The following HS6ST3 variants were observed in gnomAD, a reference collection of about 807,000 sequenced individuals.
HS6ST3 encodes the protein heparan sulfate 6-O-sulfotransferase 3.
A neutral mutation model predicts 36.7 loss-of-function variants in HS6ST3; 12 were observed. The ratio of observed to expected loss-of-function variants is 0.33; its 90% CI spans 0.21 to 0.53. The LOEUF is 0.53. Among genes scored for constraint, HS6ST3 ranks in the 20% least tolerant of loss-of-function variants. The probability of loss-of-function intolerance (pLI) is 0.95; values close to 1 mark genes in which losing one functional copy is unlikely to be tolerated. For synonymous variants in HS6ST3, 240 were observed against 257.5 expected (o/e 0.93, Z 0.65); for missense variants, 584 against 640.9 (o/e 0.91, Z 0.96).
intron 1 of HS6ST3, among the ~76,000 whole-genome samples, chr13:96,567,294 T>A (rs1302207272): frequency 6.6e-6 from 1 of 152,112 alleles, no homozygotes; most frequent in Non-Finnish European, 1.5e-5. Flanking sequence ...CATAATCACA[T>A]CACTGTAACA....
chr13:96,109,467 T>G (rs745499941), intron 1 of HS6ST3, among the ~76,000 whole-genome samples: 1 of 152,194 alleles, frequency 6.6e-6, no homozygotes, highest in African/African-American at 2.4e-5. Flanking sequence ...TTATTACAGT[T>G]TCCAAAAGGT....
At chr13:96,698,023 A>C (rs987426968) in intron 1 of HS6ST3, among the ~76,000 whole-genome samples, 1 of 151,962 alleles carries the variant, frequency 6.6e-6, no homozygotes, top group Non-Finnish European at 1.5e-5. Context: ...ATATGTTTTT[A>C]TACTTTTATT....
chr13:96,297,679 T>G (rs2054861758), intron 1 of HS6ST3, among the ~76,000 whole-genome samples: 1 of 152,158 alleles, frequency 6.6e-6, no homozygotes, highest in Non-Finnish European at 1.5e-5. Flanking sequence ...CCCTCATTTG[T>G]AATCATTTTT....
chr13:96,360,104 T>C (rs966476439), intron 1 of HS6ST3, among the ~76,000 whole-genome samples: 2 of 151,998 alleles, frequency 1.3e-5, no homozygotes, highest in Admixed American at 1.3e-4. Context: ...CTTGGGGTGC[T>C]CCTAAGCTAG....
rs544230316 is a variant in HS6ST3 at position 96,714,314 on chromosome 13, A to C, written c.708-118176A>C. ...TTCTACATATTTATTACAAAAAAAA[A>C]CACAATTGAAAAATGGGCCAAGGGT... On this transcript the variant is annotated intron_variant, in intron 1 of 1. Coordinates refer to ENST00000376705, the MANE Select transcript of HS6ST3 (RefSeq NM_153456.4). 3.3e-5 allele frequency among the ~76,000 whole-genome samples: 5 copies of C among 152,310 alleles called. No individual in the cohort carries two copies. In the South Asian group the frequency reaches 8.3e-4, roughly 25 times the overall value.
At chr13:96,599,504 G>A (rs1566407842) in intron 1 of HS6ST3, among the ~76,000 whole-genome samples, 1 of 151,758 alleles carries the variant, frequency 6.6e-6, no homozygotes, top group African/African-American at 2.4e-5. Context: ...ATTTCTAATT[G>A]TGCTTTGAGT....
At chr13:96,209,730 G>A (rs1419862175) in intron 1 of HS6ST3, among the ~76,000 whole-genome samples, 1 of 152,056 alleles carries the variant, frequency 6.6e-6, no homozygotes, top group Non-Finnish European at 1.5e-5. Context: ...TAGGGGGATT[G>A]TACTTGCTAT....
intron 1 of HS6ST3, among the ~76,000 whole-genome samples, chr13:96,805,898 A>G (rs557779867): frequency 2.0e-5 from 3 of 152,114 alleles, no homozygotes; most frequent in Admixed American, 2.0e-4. Context: ...TTACCAAAAA[A>G]CCTATCAGAA....
At chr13:96,149,811 C>T (rs1054678575) in intron 1 of HS6ST3, among the ~76,000 whole-genome samples, 2 of 152,148 alleles carry the variant, frequency 1.3e-5, no homozygotes, top group African/African-American at 4.8e-5. Flanking sequence ...TCATTAGCAG[C>T]TGAATAATGC....
chr13:96,159,485 G>A (rs2054126303), intron 1 of HS6ST3, among the ~76,000 whole-genome samples: 1 of 152,168 alleles, frequency 6.6e-6, no homozygotes, highest in Admixed American at 6.5e-5. Context: ...TCTTAAGGGA[G>A]AGAATTCCGG....
chr13:96,591,782 G>C (rs1361897578), intron 1 of HS6ST3, among the ~76,000 whole-genome samples: 1 of 151,948 alleles, frequency 6.6e-6, no homozygotes, highest in Non-Finnish European at 1.5e-5. Context: ...CCTGATCTCA[G>C]AAAAAAGGCT....
intron 1 of HS6ST3, among the ~76,000 whole-genome samples, chr13:96,684,501 C>T (rs185353356): frequency 3.9e-5 from 6 of 152,052 alleles, no homozygotes; most frequent in Admixed American, 1.3e-4. Context: ...GAGGCTTCTC[C>T]GAAACTCAAG....
chr13:96,684,277 C>T (rs556362358), intron 1 of HS6ST3, among the ~76,000 whole-genome samples: 1 of 151,872 alleles, frequency 6.6e-6, no homozygotes, highest in Non-Finnish European at 1.5e-5. Context: ...CATGCATGTT[C>T]CAAAAGTTGG....
At chr13:96,203,901 A>G (rs2054355949) in intron 1 of HS6ST3, among the ~76,000 whole-genome samples, 1 of 152,228 alleles carries the variant, frequency 6.6e-6, no homozygotes, top group African/African-American at 2.4e-5. Context: ...ACCCTCACAA[A>G]GATTACTATC....
At chr13:96,765,588 TTCTCTCTCTCTCTCTC>T (rs58979172) in intron 1 of HS6ST3, among the ~76,000 whole-genome samples, 38 of 142,596 alleles carry the variant, frequency 2.7e-4, no homozygotes, top group African/African-American at 3.9e-4. Flanking sequence ...CTCTCTCTCT[TTCTCTCTCTCTCTCTC>T]TCTCTCTCTC....
intron 1 of HS6ST3, among the ~76,000 whole-genome samples, chr13:96,170,951 G>A (rs916554143): frequency 3.3e-5 from 5 of 152,094 alleles, no homozygotes; most frequent in East Asian, 3.9e-4. Context: ...ACACACGCAC[G>A]TAGGCCAATT....
At position 96,836,236 on chromosome 13, in the gene HS6ST3, A is replaced by G. The variant is rs1878924090; in HGVS notation, c.*3038A>G. On this transcript the variant is annotated 3_prime_UTR_variant, in exon 2 of 2. Transcript: ENST00000376705. ...CAATCCCCAGGGGTTCTATGACCCT[A>G]TTGACTCCTACAGTTCTTTCCCTTC... The G allele has an allele frequency of 6.6e-6, 1 of 152,244 alleles. No homozygotes were observed. The highest frequency in any genetic ancestry group is 1.5e-5 in the Non-Finnish European group (1 of 68,060). 9.4% of individuals were successfully genotyped at this position (152,244 alleles called of 1,614,324 possible). A position where few individuals can be genotyped will look rare whatever the true frequency, so the allele number is the denominator to read the frequency against.
At chr13:96,328,543 G>T (rs1457214518) in intron 1 of HS6ST3, among the ~76,000 whole-genome samples, 1 of 152,002 alleles carries the variant, frequency 6.6e-6, no homozygotes, top group Non-Finnish European at 1.5e-5. Flanking sequence ...ACTTGATCAT[G>T]GTGGATGAGC....
intron 1 of HS6ST3, among the ~76,000 whole-genome samples, chr13:96,561,393 A>G (rs7318317): frequency 0.17 from 25,895 of 152,066 alleles, 2,992 homozygotes; most frequent in African/African-American, 0.33. Context: ...TCAAGATGGC[A>G]TAAAGATTTA....
Sources: allele counts gnomAD v4.1 joint callset (sites outside exome capture counted in the v4.1 genomes callset), GRCh38; gene constraint gnomAD v4.1.1; transcripts MANE v1.5; gene names NCBI Gene and HGNC (gene_info 2026-07-23, HGNC 2026-07-21).